The following DACH1 variants were observed in gnomAD, a reference collection of about 807,000 sequenced individuals.
DACH1 encodes dachshund family transcription factor 1, also known as dachshund homolog 1.
A neutral mutation model predicts 54.2 loss-of-function variants in DACH1; 12 were observed. That is an observed-to-expected ratio of 0.22 (90% CI 0.14 to 0.36). DACH1 has a LOEUF of 0.36. Ranked by LOEUF, DACH1 falls within the 10% of genes least tolerant of loss-of-function variation. The probability of loss-of-function intolerance (pLI) is 1.00; values close to 1 mark genes in which losing one functional copy is unlikely to be tolerated. For missense variants in DACH1, 805 were observed against 929.8 expected (o/e 0.87, Z 1.75); for synonymous variants, 386 against 366.2 (o/e 1.05, Z -0.62).
chr13:71,714,377 T>C (rs1566452591), intron 1 of DACH1, among the ~76,000 whole-genome samples: 2 of 152,052 alleles, frequency 1.3e-5, no homozygotes, highest in Non-Finnish European at 2.9e-5. Context: ...GGCCATTGTA[T>C]CAATAGTTGT....
At chr13:71,808,230 C>A (rs1050696639) in intron 1 of DACH1, among the ~76,000 whole-genome samples, 17 of 152,250 alleles carry the variant, frequency 1.1e-4, no homozygotes, top group Non-Finnish European at 1.9e-4. Flanking sequence ...AATTTAAATT[C>A]TATTTCATAG....
At chr13:71,762,914 TA>T (rs1361075132) in intron 1 of DACH1, among the ~76,000 whole-genome samples, 2 of 152,138 alleles carry the variant, frequency 1.3e-5, no homozygotes, top group African/African-American at 2.4e-5. Context: ...CCAAGTCATG[TA>T]AAAATGCAAA....
chr13:71,527,014 CACTT>C (rs1173146747), intron 6 of DACH1, among the ~76,000 whole-genome samples: 2 of 151,812 alleles, frequency 1.3e-5, no homozygotes, highest in East Asian at 3.9e-4. Context: ...GTATTAAAAA[CACTT>C]GCAATTATTA....
At position 71,583,200 on chromosome 13, in the gene DACH1, G is replaced by T. The variant is rs554216257; in HGVS notation, c.1127-10188C>A. ...ATAAGGGGGTATGAACCTAGGTAAAGTTACACAATGATTCAATGTCTGACT... is the reference window on the plus strand; with the variant it reads ...ATAAGGGGGTATGAACCTAGGTAAATTTACACAATGATTCAATGTCTGACT... On this transcript the variant is annotated intron_variant, in intron 3 of 10. Coordinates refer to ENST00000613252, the MANE Select transcript of DACH1 (RefSeq NM_080759.6). Among the ~76,000 whole-genome samples, 590 of 152,230 alleles carry T rather than the reference G, an allele frequency of 3.9e-3. 4 individuals carry two copies. Among genetic ancestry groups the T allele is most frequent in the Non-Finnish European group, 6.6e-3 (448 of 68,004 alleles).
chr13:71,681,913 GAAAC>G lies in DACH1; in HGVS notation c.849-7_849-4del, dbSNP rs750198518. The G allele has an allele frequency of 1.3e-5, 21 of 1,592,190 alleles. No individual in the cohort carries two copies. The highest frequency in any genetic ancestry group is 4.5e-5 in the South Asian group (4 of 88,462). On this transcript the variant is annotated splice_region_variant and splice_polypyrimidine_tract_variant and intron_variant, in intron 1 of 10. Transcript: ENST00000613252. The stretch of plus-strand genomic sequence containing the variant: ...TAGGAGGCCTTCCAGGTCTAGAACT[GAAAC>G]AAACAAACAAAAAATTTTTACAATT...
chr13:71,626,081 A>C (rs1456068084), intron 3 of DACH1, among the ~76,000 whole-genome samples: 3 of 151,928 alleles, frequency 2.0e-5, no homozygotes, highest in Admixed American at 1.3e-4. Flanking sequence ...GAGAAGTAAA[A>C]ATGCAGTCTT....
intron 1 of DACH1, among the ~76,000 whole-genome samples, chr13:71,789,817 T>C (rs1418813533): frequency 2.0e-5 from 3 of 152,132 alleles, no homozygotes; most frequent in Non-Finnish European, 4.4e-5. Flanking sequence ...CCGTGCCTTT[T>C]ATTGAGCTTC....
In DACH1 at chr13:71,858,530, G is replaced by T. The variant is rs547275243; in HGVS notation, c.848+7392C>A. On this transcript the variant is annotated intron_variant, in intron 1 of 10. Transcript: ENST00000613252. ...AGGCTATCTTCAAAATCCACTTCAG[G>T]ATTCTTAAAGATCTACTTATAGTCA... is the stretch of plus-strand genomic sequence containing the variant. 6.6e-5 allele frequency among the ~76,000 whole-genome samples: 10 copies of T among 151,460 alleles called. No homozygotes were observed. The South Asian group carries it at 2.1e-3, about 32-fold the overall frequency.
chr13:71,647,910 A>G (rs1594041675), intron 2 of DACH1, among the ~76,000 whole-genome samples: 2 of 152,358 alleles, frequency 1.3e-5, no homozygotes, highest in African/African-American at 4.8e-5. Context: ...TGCAACTCCT[A>G]GTTTCAGAGG....
intron 1 of DACH1, among the ~76,000 whole-genome samples, chr13:71,769,220 C>T (rs1885756361): frequency 6.6e-6 from 1 of 151,758 alleles, no homozygotes; most frequent in African/African-American, 2.4e-5. Context: ...ACATACTCTT[C>T]ATATTTAAAG....
chr13:71,504,819 CT>C (rs1315520338), intron 6 of DACH1, among the ~76,000 whole-genome samples: 2 of 152,104 alleles, frequency 1.3e-5, no homozygotes, highest in Non-Finnish European at 2.9e-5. Flanking sequence ...TATATATTTC[CT>C]TATTGTTTGT....
At chr13:71,695,014 A>T (rs56347192) in intron 1 of DACH1, among the ~76,000 whole-genome samples, 1 of 152,158 alleles carries the variant, frequency 6.6e-6, no homozygotes, top group Non-Finnish European at 1.5e-5. Context: ...AAGTTTTCTT[A>T]TTATTTCAAA....
At chr13:71,534,350 A>G (rs1321159939) in intron 6 of DACH1, among the ~76,000 whole-genome samples, 2 of 152,046 alleles carry the variant, frequency 1.3e-5, no homozygotes, top group Non-Finnish European at 2.9e-5. Flanking sequence ...AAAATAGTTA[A>G]TTGTCTTTAA....
intron 1 of DACH1, among the ~76,000 whole-genome samples, chr13:71,735,081 T>C (rs1439778716): frequency 6.6e-6 from 1 of 150,904 alleles, no homozygotes; most frequent in African/African-American, 2.4e-5. Flanking sequence ...GGGATATACG[T>C]ATATGGGTTA....
At chr13:71,587,147 A>T (rs1271513074) in intron 3 of DACH1, among the ~76,000 whole-genome samples, 1 of 152,108 alleles carries the variant, frequency 6.6e-6, no homozygotes, top group Admixed American at 6.6e-5. Flanking sequence ...TCCTTTATGT[A>T]TAAAATATAG....
Position 71,510,360 on chromosome 13 carries a change from T to C in DACH1, c.1571-21212A>G, listed in dbSNP as rs564914160. Reference sequence around the variant, plus strand: ...CTTTTGCCTGAAGTGCCCTCATCTCTGGACTCACATCTCTACGGGGATATC... The same window carrying C: ...CTTTTGCCTGAAGTGCCCTCATCTCCGGACTCACATCTCTACGGGGATATC... On this transcript the variant is annotated intron_variant, in intron 6 of 10. Coordinates refer to ENST00000613252, the MANE Select transcript of DACH1 (RefSeq NM_080759.6). Among the ~76,000 whole-genome samples, 3 of 152,128 alleles carry C rather than the reference T, an allele frequency of 2.0e-5. No individual in the cohort carries two copies. In the East Asian group the frequency reaches 5.8e-4, roughly 29 times the overall value.
chr13:71,682,281 G>A (rs1005637059), intron 1 of DACH1, among the ~76,000 whole-genome samples: 1 of 152,140 alleles, frequency 6.6e-6, no homozygotes, highest in Non-Finnish European at 1.5e-5. Context: ...ATTTATGAGA[G>A]TTTTAAAAAC....
intron 1 of DACH1, among the ~76,000 whole-genome samples, chr13:71,854,397 T>C (rs1873865878): frequency 6.6e-6 from 1 of 152,124 alleles, no homozygotes. Flanking sequence ...TCTAAAGGCT[T>C]CCTATTTTGA....
chr13:71,574,759 A>G (rs749347529), intron 3 of DACH1, among the ~76,000 whole-genome samples: 1 of 152,086 alleles, frequency 6.6e-6, no homozygotes, highest in Non-Finnish European at 1.5e-5. Flanking sequence ...TATTATCTTT[A>G]TTATTTTACA....
Sources: allele counts gnomAD v4.1 joint callset (sites outside exome capture counted in the v4.1 genomes callset), GRCh38; gene constraint gnomAD v4.1.1; transcripts MANE v1.5; gene names NCBI Gene and HGNC (gene_info 2026-07-23, HGNC 2026-07-21).